Variants in IMMP1L observed in about 807,000 individuals in gnomAD.
The protein encoded by IMMP1L is inner mitochondrial membrane peptidase subunit 1.
IMMP1L carries 24 observed loss-of-function variants against 21.8 expected under a neutral mutation model. That is an observed-to-expected ratio of 1.10 (90% confidence interval 0.80 to 1.55). IMMP1L has a LOEUF of 1.55. IMMP1L is among the 40% of genes most tolerant of loss of function. IMMP1L has a pLI of 0.00. For synonymous variants in IMMP1L, 46 were observed against 62.8 expected (o/e 0.73, Z 1.26); for missense variants, 195 against 200.7 (o/e 0.97, Z 0.17).
chr11:31,500,909 T>A (rs984209919), intron 1 of IMMP1L, among the ~76,000 whole-genome samples: 2 of 152,220 alleles, frequency 1.3e-5, no homozygotes, highest in African/African-American at 4.8e-5. Context: ...ATATTTACTA[T>A]TTGGTCTTTT....
At position 31,495,337 on chromosome 11, in the gene IMMP1L, C is replaced by T. The variant is rs185232459; in HGVS notation, c.-30+14182G>A. ...TTCTGAGCCCTCCAAACTGTTCCAA[C>T]CTCTGCCTGTTACCCTGTTCCAAAG... On this transcript the variant is annotated intron_variant, in intron 1 of 5. Transcript: ENST00000532287. 1.8e-4 allele frequency among the ~76,000 whole-genome samples: 27 copies of T among 152,302 alleles called. No homozygotes were observed. The East Asian group carries it at 5.0e-3, about 28-fold the overall frequency.
intron 2 of IMMP1L, among the ~76,000 whole-genome samples, chr11:31,461,655 C>T (rs1269909273): frequency 6.6e-6 from 1 of 152,118 alleles, no homozygotes; most frequent in East Asian, 1.9e-4. Flanking sequence ...TAGTGTATAA[C>T]ATTACCTTCA....
intron 4 of IMMP1L, among the ~76,000 whole-genome samples, chr11:31,441,700 TATA>T (rs1336012357): frequency 6.6e-6 from 1 of 152,120 alleles, no homozygotes; most frequent in Non-Finnish European, 1.5e-5. Flanking sequence ...ATAGCAATAT[TATA>T]ATAATAAAAT....
At chr11:31,476,537 G>T (rs1254736032) in intron 1 of IMMP1L, among the ~76,000 whole-genome samples, 1 of 151,972 alleles carries the variant, frequency 6.6e-6, no homozygotes, top group Non-Finnish European at 1.5e-5. Context: ...ATAATTTCAA[G>T]AAAATACTTT....
chr11:31,465,699 C>CTCTTCAATAA, intron 1 of IMMP1L, among the ~76,000 whole-genome samples: 1 of 151,998 alleles, frequency 6.6e-6, no homozygotes, highest in South Asian at 2.1e-4. Context: ...GGAGAAAGGA[C>CTCTTCAATAA]ATCTCTTCAA....
chr11:31,507,292 C>A (rs1012878633), intron 1 of IMMP1L, among the ~76,000 whole-genome samples: 26 of 150,708 alleles, frequency 1.7e-4, no homozygotes, highest in African/African-American at 5.4e-4. Flanking sequence ...AAAAAAAAAA[C>A]AAAAGCATAT....
chr11:31,498,533 C>T (rs1054870887), intron 1 of IMMP1L, among the ~76,000 whole-genome samples: 26 of 152,166 alleles, frequency 1.7e-4, no homozygotes, highest in South Asian at 6.2e-4. Context: ...CTTTTTCTCA[C>T]CATATTAATC....
intron 4 of IMMP1L, among the ~76,000 whole-genome samples, chr11:31,443,715 A>G (rs917092468): frequency 1.3e-5 from 2 of 152,174 alleles, no homozygotes; most frequent in Non-Finnish European, 2.9e-5. Flanking sequence ...CTCCCTTTTA[A>G]AATTCAGCCT....
intron 1 of IMMP1L, among the ~76,000 whole-genome samples, chr11:31,494,466 C>T (rs1955365363): frequency 6.6e-6 from 1 of 152,162 alleles, no homozygotes; most frequent in Admixed American, 6.5e-5. Context: ...CCATTTTTCC[C>T]TTCTAGAGGC....
intron 1 of IMMP1L, among the ~76,000 whole-genome samples, chr11:31,478,928 A>G (rs1015951080): frequency 6.6e-6 from 1 of 152,084 alleles, no homozygotes; most frequent in African/African-American, 2.4e-5. Flanking sequence ...ATCTCTCCTC[A>G]CATTTAAATA....
intron 4 of IMMP1L, among the ~76,000 whole-genome samples, chr11:31,443,068 A>G (rs1953395829): frequency 1.3e-5 from 2 of 152,310 alleles, no homozygotes; most frequent in East Asian, 3.9e-4. Context: ...TTATCTTATT[A>G]TCTTACAAAA....
At chr11:31,478,555 G>A (rs1469248656) in intron 1 of IMMP1L, among the ~76,000 whole-genome samples, 1 of 152,128 alleles carries the variant, frequency 6.6e-6, no homozygotes, top group African/African-American at 2.4e-5. Context: ...AACATTTTGT[G>A]CCAACACTTT....
At chr11:31,508,878 T>C (rs1292887033) in intron 1 of IMMP1L, among the ~76,000 whole-genome samples, 4 of 152,238 alleles carry the variant, frequency 2.6e-5, no homozygotes, top group African/African-American at 9.6e-5. Flanking sequence ...ATTGGTATTT[T>C]AGTAATAAAC....
At chr11:31,482,589 T>C (rs1386191344) in intron 1 of IMMP1L, among the ~76,000 whole-genome samples, 1 of 151,864 alleles carries the variant, frequency 6.6e-6, no homozygotes, top group Non-Finnish European at 1.5e-5. Flanking sequence ...CCAATATACA[T>C]ATGAAAAAGT....
intron 4 of IMMP1L, among the ~76,000 whole-genome samples, chr11:31,443,567 G>A (rs926927007): frequency 6.6e-6 from 1 of 152,166 alleles, no homozygotes; most frequent in Non-Finnish European, 1.5e-5. Context: ...AATTAAGGCC[G>A]AGGAGTATCT....
At chr11:31,462,207 TG>T (rs947107708) in intron 2 of IMMP1L, among the ~76,000 whole-genome samples, 2 of 151,552 alleles carry the variant, frequency 1.3e-5, no homozygotes, top group African/African-American at 4.8e-5. Flanking sequence ...CCTAGCTACT[TG>T]GGAGGCTGAT....
intron 1 of IMMP1L, among the ~76,000 whole-genome samples, chr11:31,480,303 T>C (rs1449822541): frequency 6.6e-6 from 1 of 152,064 alleles, no homozygotes; most frequent in East Asian, 1.9e-4. Flanking sequence ...ACATTATAAA[T>C]TATTAGTAGG....
chr11:31,461,709 G>A (rs567720505), intron 2 of IMMP1L, among the ~76,000 whole-genome samples: 11 of 152,090 alleles, frequency 7.2e-5, no homozygotes, highest in South Asian at 2.1e-4. Flanking sequence ...TGAATTTTGC[G>A]TTCAGACTTG....
rs191752636 is a variant in IMMP1L at position 31,460,552 on chromosome 11, A to C, written c.194+74T>G. ...GAAAGAGGTTTTAAAGATAAAGTTA[A>C]GGAACTGCAGAAAAGCCACAATGTG... On this transcript the variant is annotated intron_variant, in intron 3 of 5. Transcript: ENST00000532287. 3.8e-5 allele frequency: 32 copies of C among 835,850 alleles called. No individual in the cohort carries two copies. In the African/African-American group the frequency reaches 3.9e-4, roughly 10 times the overall value. The allele number at this position is 835,850 out of a possible 1,614,324, so 51.8% of individuals were successfully genotyped here. A position where few individuals can be genotyped will look rare whatever the true frequency, so the allele number is the denominator to read the frequency against.
Sources: gnomAD v4.1 joint callset for allele counts (sites outside exome capture counted in the v4.1 genomes callset) on GRCh38, gnomAD v4.1.1 for gene constraint, MANE v1.5 for transcripts, NCBI Gene and HGNC (gene_info 2026-07-23, HGNC 2026-07-21) for gene names.